Variants in HSPA4L observed in about 807,000 individuals in gnomAD.
The protein encoded by HSPA4L is heat shock 70 kDa protein 4L.
Under a neutral mutation model 100.3 loss-of-function variants are expected in HSPA4L, and 48 were observed. That is an observed-to-expected ratio of 0.48 (90% CI 0.38 to 0.61). The LOEUF is 0.61. HSPA4L is among the 20% of genes least tolerant of loss of function. The pLI is 0.00. For synonymous variants in HSPA4L, 319 were observed against 328.2 expected, an observed-to-expected ratio of 0.97 and a Z score of 0.30; for missense variants, 886 against 988.6, an observed-to-expected ratio of 0.90 and a Z score of 1.39.
intron 17 of HSPA4L, among the ~76,000 whole-genome samples, chr4:127,828,468 A>G (rs1200530067): frequency 6.6e-6 from 1 of 152,170 alleles, no homozygotes; most frequent in Non-Finnish European, 1.5e-5. Flanking sequence ...ATACTTAAGC[A>G]ACTTATTGAG....
rs1306207311 is a variant in HSPA4L, at chr4:127,802,770, A to G, written c.663+852A>G. Among the ~76,000 whole-genome samples, 3 of 152,146 alleles carry G rather than the reference A, an allele frequency of 2.0e-5. No individual in the cohort carries two copies. The East Asian group carries it at 5.8e-4, about 29-fold the overall frequency. On this transcript the variant is annotated intron_variant, in intron 6 of 18. Transcript: ENST00000296464. Reference sequence around the variant, plus strand: ...ATAATTTTGCATTTGATTTTGGGTAATACTAGACTTCATGAGAGGTCTATA... The same window carrying G: ...ATAATTTTGCATTTGATTTTGGGTAGTACTAGACTTCATGAGAGGTCTATA...
intron 1 of HSPA4L, among the ~76,000 whole-genome samples, chr4:127,790,165 T>A (rs1732833824): frequency 1.3e-5 from 2 of 152,230 alleles, no homozygotes. Context: ...TTAATGATAG[T>A]TGAATCTGAA....
In HSPA4L at chr4:127,808,124, G is replaced by A. The variant is rs764283305; in HGVS notation, c.1373G>A (p.Arg458Lys). Residue 458 changes from arginine to lysine, a missense_variant, in exon 11 of 19, where the codon AGA (arginine) becomes AAA (lysine). Transcript: ENST00000296464. ...NLHEVPYPDA[R>K]IGSFTIQNVF... ...CATGAAGTGCCTTATCCTGATGCAAGAATTGGTAAGATAAAAAAAAGTTCT... is the reference window on the plus strand; with the variant it reads ...CATGAAGTGCCTTATCCTGATGCAAAAATTGGTAAGATAAAAAAAAGTTCT... 2.5e-6 allele frequency: 4 copies of A among 1,584,744 alleles called. No homozygotes were observed. Among genetic ancestry groups the A allele is most frequent in the Non-Finnish European group, 3.4e-6 (4 of 1,171,692 alleles).
At chr4:127,783,667 CT>C in intron 1 of HSPA4L, 2 of 1,535,536 alleles carry the variant, frequency 1.3e-6, no homozygotes, top group Non-Finnish European at 1.7e-6. Flanking sequence ...ACCTATATTA[CT>C]TTTTATGGAA....
intron 18 of HSPA4L, 34 bp from the exon 19 acceptor site, chr4:127,832,649 C>T (rs1433856863): frequency 2.7e-6 from 4 of 1,465,302 alleles, no homozygotes; most frequent in Non-Finnish European, 2.8e-6. Flanking sequence ...GTTCTGTAAT[C>T]GTTTTAATAT....
intron 2 of HSPA4L, among the ~76,000 whole-genome samples, chr4:127,794,768 G>A (rs1281724530): frequency 6.6e-6 from 1 of 152,022 alleles, no homozygotes; most frequent in Non-Finnish European, 1.5e-5. Flanking sequence ...GATAATCAGA[G>A]TCTCTAAAAG....
chr4:127,782,232 G>A (rs893718763), upstream of HSPA4L: 4 of 392,992 alleles, frequency 1.0e-5, no homozygotes. Context: ...GAGCTGGCTC[G>A]GGCGCGGAGC....
intron 17 of HSPA4L, among the ~76,000 whole-genome samples, chr4:127,829,445 T>C (rs1734025482): frequency 6.6e-6 from 1 of 152,018 alleles, no homozygotes; most frequent in Non-Finnish European, 1.5e-5. Flanking sequence ...ATTATTAGAA[T>C]AATACAGCAA....
intron 8 of HSPA4L, among the ~76,000 whole-genome samples, chr4:127,804,389 T>TGAG (rs1202419461): frequency 1.3e-5 from 2 of 152,028 alleles, no homozygotes; most frequent in Non-Finnish European, 2.9e-5. Context: ...GTGGATCACC[T>TGAG]GAGGTCAGGA....
chr4:127,830,503 A>G, intron 17 of HSPA4L, 135 bp from the exon 18 acceptor site: 1 of 560,354 alleles, frequency 1.8e-6, no homozygotes, highest in East Asian at 3.2e-5. Context: ...TGTTATTCGT[A>G]TGGGGTTTCT....
At chr4:127,823,437 C>A in intron 15 of HSPA4L, 80 bp from the exon 16 acceptor site, 2 of 927,978 alleles carry the variant, frequency 2.2e-6, no homozygotes, top group Non-Finnish European at 3.4e-6. Context: ...GCATGAGGCA[C>A]TGCACTGCAC....
intron 14 of HSPA4L, among the ~76,000 whole-genome samples, chr4:127,821,029 T>C (rs1733797078): frequency 1.3e-5 from 2 of 152,136 alleles, no homozygotes; most frequent in Admixed American, 1.3e-4. Flanking sequence ...TTACAGTCTC[T>C]AGAGGAAACG....
At chr4:127,804,575 C>T (rs1172746069) in intron 8 of HSPA4L, among the ~76,000 whole-genome samples, 1 of 151,084 alleles carries the variant, frequency 6.6e-6, no homozygotes, top group Non-Finnish European at 1.5e-5. Context: ...CATTGCACTC[C>T]AGCCTGGGCA....
At chr4:127,791,147 G>C (rs1732864168) in intron 1 of HSPA4L, among the ~76,000 whole-genome samples, 1 of 151,626 alleles carries the variant, frequency 6.6e-6, no homozygotes, top group African/African-American at 2.4e-5. Flanking sequence ...TGAAGCAAGT[G>C]AGATTAATTT....
intron 1 of HSPA4L, among the ~76,000 whole-genome samples, chr4:127,789,447 C>G (rs535513740): frequency 6.6e-6 from 1 of 151,978 alleles, no homozygotes; most frequent in African/African-American, 2.4e-5. Flanking sequence ...GAGATCAAGA[C>G]CATCCTGGCT....
At chr4:127,796,449 C>T (rs1267475347) in intron 3 of HSPA4L, among the ~76,000 whole-genome samples, 3 of 151,808 alleles carry the variant, frequency 2.0e-5, no homozygotes, top group African/African-American at 4.8e-5. Context: ...TATATGGCCC[C>T]GAAATTCCAC....
At chr4:127,782,172 T>C (rs1578681409), upstream of HSPA4L, 1 of 429,700 alleles carries the variant, frequency 2.3e-6, no homozygotes, top group East Asian at 7.6e-5. Flanking sequence ...CGCAGCTTCT[T>C]GGGCAGCCGT....
At chr4:127,782,738 C>G in intron 1 of HSPA4L, 81 bp downstream of exon 1, 1 of 1,049,504 alleles carries the variant, frequency 9.5e-7, no homozygotes, top group East Asian at 2.8e-5. Flanking sequence ...TGTCTGCTCG[C>G]TTCCTCGGAT....
At chr4:127,794,316 T>G (rs1275338926) in intron 2 of HSPA4L, among the ~76,000 whole-genome samples, 182 bp downstream of exon 2, 1 of 152,060 alleles carries the variant, frequency 6.6e-6, no homozygotes, top group Admixed American at 6.6e-5. Flanking sequence ...TTGTAAAATA[T>G]TTCTTGAATT....
Sources: allele counts gnomAD v4.1 joint callset (sites outside exome capture counted in the v4.1 genomes callset), GRCh38; gene constraint gnomAD v4.1.1; transcripts MANE v1.5; gene names NCBI Gene and HGNC (gene_info 2026-07-23, HGNC 2026-07-21).